The following MUC20 variants were observed in gnomAD, a reference collection of about 807,000 sequenced individuals.
MUC20 encodes mucin 20, cell surface associated, also known as mucin-20.
Under a neutral mutation model 23.8 loss-of-function variants are expected in MUC20, and 14 were observed. That is an observed-to-expected ratio of 0.59 (90% CI 0.39 to 0.92). The LOEUF is 0.92. Ranked by LOEUF, MUC20 falls within the 40% of genes least tolerant of loss-of-function variation. The pLI, the probability that MUC20 is intolerant of heterozygous loss-of-function variation, is 0.00. For synonymous variants in MUC20, 166 were observed against 279.3 expected (o/e 0.59, Z 4.04); for missense variants, 375 against 668.8 (o/e 0.56, Z 4.85).
In MUC20 at chr3:195,725,950, G is replaced by A; in HGVS notation, c.1347G>A (p.Gly449=). 1 of 1,613,904 alleles carries A rather than the reference G, an allele frequency of 6.2e-7. No homozygotes were observed. Among genetic ancestry groups the A allele is most frequent in the Non-Finnish European group, 8.5e-7 (1 of 1,179,858 alleles). ...ACACAGATCTCATCCCCACGGAAGG[G>A]GTGAAGGCCTCGTCCACCTCCGATC... The part of the protein sequence containing the change: ...ASDTDLIPTE[G]VKASSTSDPP... Residue 449 remains glycine, a synonymous_variant, in exon 2 of 4, where the codon GGG becomes GGA. Transcript: ENST00000447234.
chr3:195,722,226 C>T, intron 1 of MUC20: 2 of 887,168 alleles, frequency 2.3e-6, no homozygotes, highest in Middle Eastern at 5.9e-4. Context: ...CACCCCCCAC[C>T]TCCACTGCTT....
Position 195,722,806 on chromosome 3 carries a change from A to T in MUC20, c.76+1723A>T, listed in dbSNP as rs1215564057. On this transcript the variant is annotated intron_variant, in intron 1 of 3. Coordinates refer to ENST00000447234, the MANE Select transcript of MUC20 (RefSeq NM_001282506.2). ...AACTGTATTATGAAGGCAGACGAACAGTTCCTGCAAAAGTGAGATTTGTGT... is the reference window on the plus strand; with the variant it reads ...AACTGTATTATGAAGGCAGACGAACTGTTCCTGCAAAAGTGAGATTTGTGT... 3 of 987,010 alleles carry T rather than the reference A, an allele frequency of 3.0e-6. No homozygotes were observed. The African/African-American group carries it at 5.2e-5, about 17-fold the overall frequency. 61.1% of individuals were successfully genotyped at this position (987,010 alleles called of 1,614,324 possible). A position where few individuals can be genotyped will look rare whatever the true frequency, so the allele number is the denominator to read the frequency against.
chr3:195,732,414 C>T (rs1339154567), intron 3 of MUC20, among the ~76,000 whole-genome samples: 1 of 152,026 alleles, frequency 6.6e-6, no homozygotes, highest in Non-Finnish European at 1.5e-5. Flanking sequence ...GGCTGGAGTG[C>T]AATGGCACGA....
intron 3 of MUC20, among the ~76,000 whole-genome samples, chr3:195,731,099 T>A (rs1043714314): frequency 6.6e-6 from 1 of 152,240 alleles, no homozygotes; most frequent in African/African-American, 2.4e-5. Context: ...GTGCACAGTC[T>A]AATGTGGATT....
At position 195,729,213 on chromosome 3, in the gene MUC20, T is replaced by C. The variant is rs186564601; in HGVS notation, c.1970-435T>C. On this transcript the variant is annotated intron_variant, in intron 2 of 3. Transcript: ENST00000447234. ...TCCCCTGGCTGTGCCCCCACCCAGT[T>C]CTCTCCACACATGTAACCCGTGAGA... 61 of 178,226 alleles carry C rather than the reference T, an allele frequency of 3.4e-4. 1 individual carries two copies. Among genetic ancestry groups the C allele is most frequent in the Admixed American group, 3.2e-3 (55 of 16,960 alleles). 11.0% of individuals were successfully genotyped at this position (178,226 alleles called of 1,614,324 possible).
rs977152356 is a variant in MUC20 at position 195,733,305 on chromosome 3, C to T, written c.*87C>T. On this transcript the variant is annotated 3_prime_UTR_variant, in exon 4 of 4. Transcript: ENST00000447234. Reference sequence around the variant, plus strand: ...GGCCCCCACCGACAGACTGCAGCTGCGTTACTGTGCTGAGAGGTACCCAGA... The same window carrying T: ...GGCCCCCACCGACAGACTGCAGCTGTGTTACTGTGCTGAGAGGTACCCAGA... The T allele has an allele frequency of 7.4e-5, 114 of 1,546,542 alleles. No individual in the cohort carries two copies. The highest frequency in any genetic ancestry group is 1.7e-4 in the Middle Eastern group (1 of 5,978).
At chr3:195,729,842 G>A in intron 3 of MUC20, 103 bp downstream of exon 3, 1 of 1,107,428 alleles carries the variant, frequency 9.0e-7, no homozygotes, top group South Asian at 1.4e-5. Flanking sequence ...ACCGCGCTTG[G>A]AAGGGAGTCT....
chr3:195,729,778 G>T (rs1713174110), intron 3 of MUC20, 39 bp downstream of exon 3: 3 of 1,556,198 alleles, frequency 1.9e-6, no homozygotes, highest in Non-Finnish European at 2.6e-6. Flanking sequence ...GTAGAGGAAG[G>T]GGCGAGGTTC....
Position 195,726,134 on chromosome 3 carries a change from A to T in MUC20, c.1531A>T (p.Thr511Ser). 6.2e-7 allele frequency: 1 copy of T among 1,608,624 alleles called. No individual in the cohort carries two copies. Residue 511 changes from threonine to serine, a missense_variant, in exon 2 of 4, where the codon ACA becomes TCA. By Grantham distance (58) the Thr-to-Ser change is moderately conservative (BLOSUM62 1). Transcript: ENST00000447234. The stretch of plus-strand genomic sequence containing the variant: ...TAACAGCGCCACAGAAAGAGAAGTG[A>T]CAGCACCCGGGGCCACGACCCTCAG... ...PTNSATEREVTAPGATTLSGA... is the reference protein window; with the variant it reads ...PTNSATEREVSAPGATTLSGA...
At chr3:195,723,171 C>T (rs1365986903) in intron 1 of MUC20, among the ~76,000 whole-genome samples, 25 of 151,322 alleles carry the variant, frequency 1.7e-4, no homozygotes, top group Admixed American at 6.6e-4. Context: ...ACCCCGGAGC[C>T]AGTCGTGGGC....
At position 195,730,687 on chromosome 3, in the gene MUC20, A is replaced by C. The variant is rs909232802; in HGVS notation, c.2061+948A>C. Among the ~76,000 whole-genome samples the C allele has an allele frequency of 4.2e-4, 64 of 152,210 alleles. 2 individuals are homozygous for C. The highest frequency in any genetic ancestry group is 3.2e-4 in the Non-Finnish European group (22 of 68,040). Reference sequence around the variant, plus strand: ...ATTTTCATGTCATCTGGGGAAGTGCAGGTCTCCATGGCCTGCAAGGGTCAC... The same window carrying C: ...ATTTTCATGTCATCTGGGGAAGTGCCGGTCTCCATGGCCTGCAAGGGTCAC... On this transcript the variant is annotated intron_variant, in intron 3 of 3. Coordinates refer to ENST00000447234, the MANE Select transcript of MUC20 (RefSeq NM_001282506.2).
At chr3:195,731,966 A>T (rs1713432821) in intron 3 of MUC20, among the ~76,000 whole-genome samples, 1 of 143,958 alleles carries the variant, frequency 6.9e-6, no homozygotes, top group African/African-American at 2.6e-5. Context: ...GGGAGAGGGA[A>T]GCCAATTGCT....
rs1290831842 is a variant in MUC20 at position 195,725,997 on chromosome 3, C to T, written c.1394C>T (p.Thr465Ile). Reference sequence around the variant, plus strand: ...GATCCACCAGCTCTGCCTGACTCCACTGAAGCAAAACCACACATCACTGAG... The same window carrying T: ...GATCCACCAGCTCTGCCTGACTCCATTGAAGCAAAACCACACATCACTGAG... ...TSDPPALPDSTEAKPHITEVT... is the reference protein window; with the variant it reads ...TSDPPALPDSIEAKPHITEVT... The change falls in exon 2 of 4, where the codon ACT (threonine) becomes ATT (isoleucine). Residue 465 changes from threonine (T) to isoleucine (I), a missense_variant. Coordinates refer to ENST00000447234, the MANE Select transcript of MUC20 (RefSeq NM_001282506.2). 5.6e-6 allele frequency: 9 copies of T among 1,613,902 alleles called. No homozygotes were observed. The South Asian group carries it at 7.7e-5, about 14-fold the overall frequency.
Position 195,731,650 on chromosome 3 carries a change from T to C in MUC20, c.2062-1500T>C, listed in dbSNP as rs1305513043. Among the ~76,000 whole-genome samples, 3 of 152,262 alleles carry C rather than the reference T, an allele frequency of 2.0e-5. No homozygotes were observed. In the East Asian group the frequency reaches 5.8e-4, roughly 29 times the overall value. On this transcript the variant is annotated intron_variant, in intron 3 of 3. Coordinates refer to ENST00000447234, the MANE Select transcript of MUC20 (RefSeq NM_001282506.2). ...GGGCATCACGTGGCCTGCACACACA[T>C]TCACATAGGTTCTCGCTGCCTTTTT...
intron 2 of MUC20, among the ~76,000 whole-genome samples, chr3:195,727,559 C>T (rs1437644396): frequency 1.3e-5 from 2 of 152,288 alleles, no homozygotes; most frequent in African/African-American, 4.8e-5. Context: ...GGCCTCATCT[C>T]TGTGTATCCG....
rs1169810404 is a variant in MUC20 at position 195,726,592 on chromosome 3, G to C, written c.1969+20G>C. The C allele has an allele frequency of 1.9e-6, 3 of 1,594,370 alleles. No individual in the cohort carries two copies. Among genetic ancestry groups the C allele is most frequent in the Non-Finnish European group, 2.6e-6 (3 of 1,167,792 alleles). ...GTGCAGGTAAGTGGCTCCTGCTGGT[G>C]ATCTTCGGGGATTTGGGATGCGGAG... is the stretch of plus-strand genomic sequence containing the variant. On this transcript the variant is annotated intron_variant, in intron 2 of 3. Coordinates refer to ENST00000447234, the MANE Select transcript of MUC20 (RefSeq NM_001282506.2).
chr3:195,730,503 G>T (rs1164787141), intron 3 of MUC20, among the ~76,000 whole-genome samples: 1 of 151,356 alleles, frequency 6.6e-6, no homozygotes, highest in African/African-American at 2.4e-5. Flanking sequence ...CCGCCACCAC[G>T]CCCAACTAAT....
At position 195,733,451 on chromosome 3, in the gene MUC20, T is replaced by C. The variant is rs1713608880; in HGVS notation, c.*233T>C. 3.3e-5 allele frequency: 47 copies of C among 1,421,216 alleles called. No individual in the cohort carries two copies. The highest frequency in any genetic ancestry group is 4.2e-5 in the Non-Finnish European group (46 of 1,091,804). The allele number at this position is 1,421,216 out of a possible 1,614,324, so 88.0% of individuals were successfully genotyped here. ...GCTTCACCTGTTCCCAGAGGTGTCC[T>C]TGGACTCACCTTGGCACATGTTCTG... On this transcript the variant is annotated 3_prime_UTR_variant, in exon 4 of 4. Transcript: ENST00000447234.
Position 195,733,136 on chromosome 3 carries a change from C to A in MUC20, c.2062-14C>A. 6.3e-7 allele frequency: 1 copy of A among 1,578,540 alleles called. No individual in the cohort carries two copies. Among genetic ancestry groups the A allele is most frequent in the Non-Finnish European group, 8.6e-7 (1 of 1,163,148 alleles). On this transcript the variant is annotated splice_polypyrimidine_tract_variant and intron_variant, in intron 3 of 3. Coordinates refer to ENST00000447234, the MANE Select transcript of MUC20 (RefSeq NM_001282506.2). ...AGATGGGCTGAAAGGACAGCTGGCTCTTTTGCTCTCCAGCTCCACCGGGAA... is the reference window on the plus strand; with the variant it reads ...AGATGGGCTGAAAGGACAGCTGGCTATTTTGCTCTCCAGCTCCACCGGGAA...
Sources: gnomAD v4.1 joint callset for allele counts (sites outside exome capture counted in the v4.1 genomes callset) on GRCh38, gnomAD v4.1.1 for gene constraint, MANE v1.5 for transcripts, NCBI Gene and HGNC (gene_info 2026-07-23, HGNC 2026-07-21) for gene names.